TAX1BP1: variants seen among roughly 807,000 people sequenced by gnomAD.
The protein encoded by TAX1BP1 is tax1-binding protein 1.
In TAX1BP1, 62 loss-of-function variants were observed where a neutral mutation model predicts 97.7. The observed-to-expected ratio is 0.63, with a 90% confidence interval of 0.52 to 0.78. The LOEUF is 0.78. Ranked by LOEUF, TAX1BP1 falls within the 30% of genes least tolerant of loss-of-function variation. TAX1BP1 has a pLI of 0.00. For synonymous variants in TAX1BP1, 340 were observed against 304.2 expected, an observed-to-expected ratio of 1.12 and a Z score of -1.23; for missense variants, 867 against 916.1, an observed-to-expected ratio of 0.95 and a Z score of 0.69.
intron 5 of TAX1BP1, among the ~76,000 whole-genome samples, chr7:27,778,807 A>G (rs1789132652): frequency 6.6e-6 from 1 of 151,876 alleles, no homozygotes; most frequent in African/African-American, 2.4e-5. Context: ...GGTTGCAGTG[A>G]GCCAAGATCA....
At chr7:27,797,971 C>G (rs1789999218) in intron 12 of TAX1BP1, among the ~76,000 whole-genome samples, 2 of 151,916 alleles carry the variant, frequency 1.3e-5, no homozygotes, top group Admixed American at 1.3e-4. Flanking sequence ...AGTGCCATCA[C>G]TCTCCCAGTT....
intron 13 of TAX1BP1, among the ~76,000 whole-genome samples, chr7:27,811,347 T>TTG (rs1790552013): frequency 6.6e-6 from 1 of 152,224 alleles, no homozygotes; most frequent in Admixed American, 6.5e-5. Context: ...TTCCTGCATC[T>TTG]CTTATCAAAC....
chr7:27,793,058 C>G lies in TAX1BP1; in HGVS notation c.1264-8C>G, dbSNP rs765927411. ...TATTTTTTTCTTCAAATGTTTGTTT[C>G]TTTCTAGGACAAGACTGATACACTG... On this transcript the variant is annotated splice_polypyrimidine_tract_variant and splice_region_variant and intron_variant, in intron 9 of 16. Coordinates refer to ENST00000396319, the MANE Select transcript of TAX1BP1 (RefSeq NM_006024.7). The G allele has an allele frequency of 6.4e-7, 1 of 1,573,432 alleles. No individual in the cohort carries two copies. Among genetic ancestry groups the G allele is most frequent in the Non-Finnish European group, 8.5e-7 (1 of 1,169,650 alleles).
intron 13 of TAX1BP1, among the ~76,000 whole-genome samples, chr7:27,803,771 A>G (rs934145234): frequency 7.2e-5 from 11 of 152,218 alleles, no homozygotes; most frequent in Non-Finnish European, 1.6e-4. Flanking sequence ...ATGTCTTTTT[A>G]GTATTCTGTG....
chr7:27,785,478 G>T lies in TAX1BP1; in HGVS notation c.841G>T (p.Glu281Ter). 6.2e-7 allele frequency: 1 copy of T among 1,610,376 alleles called. No homozygotes were observed. Among genetic ancestry groups the T allele is most frequent in the South Asian group, 1.1e-5 (1 of 90,320 alleles). ...CQLKTEKDEK[E>*]LYKVHLKNTE... is the part of the protein sequence containing the mutation. ...GTTGAAGACAGAGAAGGATGAAAAG[G>T]AACTTTATAAGGTAATTTATTTTTT... The change falls in exon 7 of 17, where the codon GAA (glutamate) becomes TAA (stop). Residue 281 changes from glutamate to a stop codon, truncating the protein, a stop_gained. Transcript: ENST00000396319. LOFTEE classifies it high-confidence loss of function.
At chr7:27,821,383 C>T (rs1790966495) in intron 15 of TAX1BP1, among the ~76,000 whole-genome samples, 1 of 152,096 alleles carries the variant, frequency 6.6e-6, no homozygotes, top group Admixed American at 6.5e-5. Flanking sequence ...GTAATCCCAG[C>T]ACTTTGGGAG....
rs745699082 is a variant in TAX1BP1, at chr7:27,748,672, G to A, written c.148G>A (p.Val50Ile). 1.9e-6 allele frequency: 3 copies of A among 1,547,520 alleles called. No individual in the cohort carries two copies. Among genetic ancestry groups the A allele is most frequent in the East Asian group, 4.7e-5 (2 of 42,862 alleles). The change falls in exon 2 of 17, where the codon GTT (valine) becomes ATT (isoleucine). Residue 50 changes from valine (V) to isoleucine (I), a missense_variant. Val to Ile is a conservative substitution (Grantham distance 29). Transcript: ENST00000396319. Reference protein sequence around the residue: ...PYIHPHPKDWVGIFKVGWSTA... With the variant: ...PYIHPHPKDWIGIFKVGWSTA... ...TATTCATCCACATCCAAAAGATTGG[G>A]TTGGTATATTCAAGGTAAGAAAGCT...
At chr7:27,753,687 T>C (rs1192728588) in intron 2 of TAX1BP1, among the ~76,000 whole-genome samples, 2 of 151,882 alleles carry the variant, frequency 1.3e-5, no homozygotes, top group Admixed American at 1.3e-4. Flanking sequence ...TTATATTACC[T>C]GATACCCAGC....
At chr7:27,790,242 A>T (rs1789654358) in intron 8 of TAX1BP1, among the ~76,000 whole-genome samples, 1 of 151,998 alleles carries the variant, frequency 6.6e-6, no homozygotes. Context: ...TCATCATAAC[A>T]ACTGCCTAGT....
chr7:27,811,731 C>A (rs907073211), intron 13 of TAX1BP1, among the ~76,000 whole-genome samples: 1 of 152,140 alleles, frequency 6.6e-6, no homozygotes, highest in African/African-American at 2.4e-5. Flanking sequence ...CATTACTGCA[C>A]AAAGTTCCCT....
chr7:27,741,151 T>C (rs1285997350), intron 1 of TAX1BP1, among the ~76,000 whole-genome samples: 2 of 152,236 alleles, frequency 1.3e-5, no homozygotes, highest in Non-Finnish European at 2.9e-5. Context: ...TGTTAGGCTT[T>C]AGATGGGAAA....
intron 13 of TAX1BP1, among the ~76,000 whole-genome samples, chr7:27,806,332 C>T (rs1562735560): frequency 6.6e-6 from 1 of 151,362 alleles, no homozygotes; most frequent in African/African-American, 2.4e-5. Context: ...GTGATCCACC[C>T]GCCTCAGCCT....
intron 13 of TAX1BP1, among the ~76,000 whole-genome samples, chr7:27,815,084 C>T (rs1323097436): frequency 6.6e-6 from 1 of 152,134 alleles, no homozygotes; most frequent in Non-Finnish European, 1.5e-5. Flanking sequence ...CATTTATCCT[C>T]ATACCATTGT....
chr7:27,815,387 G>T (rs1490885582), intron 13 of TAX1BP1, among the ~76,000 whole-genome samples: 2 of 152,136 alleles, frequency 1.3e-5, no homozygotes, highest in African/African-American at 2.4e-5. Flanking sequence ...CAATTGAAAT[G>T]ATCATGTTTC....
At chr7:27,794,751 C>T (rs1789858051) in intron 11 of TAX1BP1, among the ~76,000 whole-genome samples, 1 of 152,066 alleles carries the variant, frequency 6.6e-6, no homozygotes, top group African/African-American at 2.4e-5. Flanking sequence ...ACAAAAGCCA[C>T]GAATTGAATT....
In TAX1BP1 at chr7:27,785,308, A is replaced by G. The variant is rs1261967122; in HGVS notation, c.758A>G (p.Asp253Gly). The change falls in exon 6 of 17, where the codon GAC becomes GGC. Residue 253 changes from aspartate to glycine, a missense_variant. Around this residue, in one of 3 missense-constraint regions of TAX1BP1, gnomAD observed 822 missense variants for 851.4 expected, o/e 0.97. Transcript: ENST00000396319. ...GCAATTGAAAAAGAAACCGAATTAG[A>G]CAGGTATTTCTCATGCTTTTAAAAA... ...HKAIEKETEL[D>G]SLKDKLKKAQ... 1 of 1,604,662 alleles carries G rather than the reference A, an allele frequency of 6.2e-7. No homozygotes were observed. The highest frequency in any genetic ancestry group is 1.7e-5 in the Admixed American group (1 of 58,004).
chr7:27,810,248 T>C (rs147436912), intron 13 of TAX1BP1, among the ~76,000 whole-genome samples: 28 of 152,184 alleles, frequency 1.8e-4, no homozygotes, highest in Middle Eastern at 3.4e-3. Flanking sequence ...TTTCTTGGAT[T>C]TAACCTTTCT....
At position 27,828,879 on chromosome 7, in the gene TAX1BP1, AAAC is replaced by A; in HGVS notation, c.*51_*53del. On this transcript the variant is annotated 3_prime_UTR_variant, in exon 17 of 17. Transcript: ENST00000396319. ...AGTTTAGCAGTAAAAAAAAAAAAAAAAACCACACCTAAAATAGACCACTGAGGA... is the reference window on the plus strand; with the variant it reads ...AGTTTAGCAGTAAAAAAAAAAAAAAACACACCTAAAATAGACCACTGAGGA... 37 of 1,466,552 alleles carry A rather than the reference AAAC, an allele frequency of 2.5e-5. No homozygotes were observed. The highest frequency in any genetic ancestry group is 1.8e-4 in the Middle Eastern group (1 of 5,564). 90.8% of individuals were successfully genotyped at this position (1,466,552 alleles called of 1,614,324 possible).
At chr7:27,772,681 T>G (rs962342389) in intron 5 of TAX1BP1, 2 of 152,108 alleles carry the variant, frequency 1.3e-5, no homozygotes, top group African/African-American at 2.4e-5. Context: ...TTACAATTCT[T>G]TAACTTGGTA....
Sources: gnomAD v4.1 joint callset for allele counts (sites outside exome capture counted in the v4.1 genomes callset) on GRCh38, gnomAD v4.1.1 for gene constraint, gnomAD v4.1.1 regional missense constraint, MANE v1.5 for transcripts, NCBI Gene and HGNC (gene_info 2026-07-23, HGNC 2026-07-21) for gene names.